Variants in TSPY1 observed in about 807,000 individuals in gnomAD.
The protein encoded by TSPY1 is testis specific protein Y-linked 1, also known as testis-specific Y-encoded protein 1.
At chrY:9,468,973 G>A (rs2016050358) in intron 5 of TSPY1, 127 bp downstream of exon 5, 1 of 335,103 alleles carries the variant, frequency 3.0e-6, no homozygotes, top group Admixed American at 9.0e-5. Context: ...CGTACATGTA[G>A]AAATTCCTTG....
At chrY:9,469,040 C>T in intron 5 of TSPY1, among the ~76,000 whole-genome samples, 194 bp downstream of exon 5, 1 of 29,599 alleles carries the variant, frequency 3.4e-5, no homozygotes, top group South Asian at 8.5e-4. Flanking sequence ...TGAAAAGGCA[C>T]GTTAGAGACT....
chrY:9,468,963 C>T (rs1192684077), intron 5 of TSPY1, 117 bp downstream of exon 5: 2 of 349,538 alleles, frequency 5.7e-6, no homozygotes, highest in Admixed American at 8.6e-5. Flanking sequence ...AGGCTCCTTT[C>T]GTACATGTAG....
At chrY:9,468,979 C>A in intron 5 of TSPY1, 133 bp downstream of exon 5, 1 of 330,937 alleles carries the variant, frequency 3.0e-6, no homozygotes, top group South Asian at 3.4e-5. Flanking sequence ...TGTAGAAATT[C>A]CTTGAGAGGA....
intron 5 of TSPY1, among the ~76,000 whole-genome samples, 163 bp downstream of exon 5, chrY:9,469,009 A>C: frequency 3.1e-5 from 1 of 31,964 alleles, no homozygotes; most frequent in Non-Finnish European, 7.6e-5. Context: ...GACAGAATCC[A>C]GGACGTTCAT....
At chrY:9,468,964 G>A in intron 5 of TSPY1, 118 bp downstream of exon 5, 2 of 348,669 alleles carry the variant, frequency 5.7e-6, no homozygotes, top group Non-Finnish European at 8.1e-6. Flanking sequence ...GGCTCCTTTC[G>A]TACATGTAGA....
chrY:9,468,983 G>T, intron 5 of TSPY1, 137 bp downstream of exon 5: 2 of 325,855 alleles, frequency 6.1e-6, no homozygotes, highest in Non-Finnish European at 8.8e-6. Flanking sequence ...GAAATTCCTT[G>T]AGAGGAAGAC....
chrY:9,468,908 C>T, intron 5 of TSPY1, 62 bp downstream of exon 5: 1 of 389,499 alleles, frequency 2.6e-6, no homozygotes, highest in Non-Finnish European at 3.6e-6. Context: ...GACACACCTG[C>T]CTATTCAGGG....
At chrY:9,469,009 A>T (rs2124353745) in intron 5 of TSPY1, among the ~76,000 whole-genome samples, 163 bp downstream of exon 5, 2 of 32,022 alleles carry the variant, frequency 6.2e-5, no homozygotes, top group South Asian at 7.3e-4. Flanking sequence ...GACAGAATCC[A>T]GGACGTTCAT....
intron 5 of TSPY1, 92 bp downstream of exon 5, chrY:9,468,938 G>A: frequency 2.7e-6 from 1 of 372,770 alleles, no homozygotes; most frequent in South Asian, 3.2e-5. Context: ...GCTCATTTCA[G>A]AAATGTAGAA....
chrY:9,469,047 G>A, intron 5 of TSPY1, among the ~76,000 whole-genome samples: 1 of 29,079 alleles, frequency 3.4e-5, no homozygotes, highest in Non-Finnish European at 8.3e-5. Flanking sequence ...GCACGTTAGA[G>A]ACTGCACTGC....
chrY:9,469,063 G>A (rs2016050444), intron 5 of TSPY1, among the ~76,000 whole-genome samples: 1 of 26,786 alleles, frequency 3.7e-5, no homozygotes, highest in African/African-American at 1.5e-4. Context: ...ACTGCAAAGC[G>A]GGTGATAGCT....
At chrY:9,469,028 G>T in intron 5 of TSPY1, among the ~76,000 whole-genome samples, 182 bp downstream of exon 5, 1 of 30,832 alleles carries the variant, frequency 3.2e-5, no homozygotes, top group African/African-American at 1.3e-4. Flanking sequence ...ATGGCATTGG[G>T]CTGAAAAGGC....
chrY:9,468,967 C>A (rs376507581), intron 5 of TSPY1, 121 bp downstream of exon 5: 2 of 225,824 alleles, frequency 8.9e-6, no homozygotes, highest in African/African-American at 2.4e-4. Context: ...TCCTTTCGTA[C>A]ATGTAGAAAT....
chrY:9,469,002 A>G, intron 5 of TSPY1, among the ~76,000 whole-genome samples, 156 bp downstream of exon 5: 1 of 32,406 alleles, frequency 3.1e-5, no homozygotes, highest in African/African-American at 1.2e-4. Context: ...ACAGAGTGAC[A>G]GAATCCAGGA....
chrY:9,468,969 T>C, intron 5 of TSPY1, 123 bp downstream of exon 5: 1 of 343,028 alleles, frequency 2.9e-6, no homozygotes, highest in Non-Finnish European at 4.1e-6. Context: ...CTTTCGTACA[T>C]GTAGAAATTC....
chrY:9,468,893 G>T, intron 5 of TSPY1, 47 bp downstream of exon 5: 1 of 392,425 alleles, frequency 2.5e-6, no homozygotes, highest in Non-Finnish European at 3.6e-6. Context: ...CAGTATAAGG[G>T]GGTTGACACA....
chrY:9,468,895 G>T, intron 5 of TSPY1, 49 bp downstream of exon 5: 1 of 392,271 alleles, frequency 2.5e-6, no homozygotes, highest in Non-Finnish European at 3.6e-6. Flanking sequence ...GTATAAGGGG[G>T]TTGACACACC....
At chrY:9,469,083 TAAGC>T (rs2016050477) in intron 5 of TSPY1, among the ~76,000 whole-genome samples, 2 of 22,901 alleles carry the variant, frequency 8.7e-5, no homozygotes, top group African/African-American at 3.4e-4. Flanking sequence ...TGTGGAGTCT[TAAGC>T]CCAGTGAAGA....
At chrY:9,469,003 G>A in intron 5 of TSPY1, among the ~76,000 whole-genome samples, 157 bp downstream of exon 5, 1 of 32,140 alleles carries the variant, frequency 3.1e-5, no homozygotes, top group Admixed American at 2.9e-4. Context: ...CAGAGTGACA[G>A]AATCCAGGAC....
Sources: gnomAD v4.1 joint callset for allele counts (sites outside exome capture counted in the v4.1 genomes callset) on GRCh38, gnomAD v4.1.1 for gene constraint, MANE v1.5 for transcripts, NCBI Gene and HGNC (gene_info 2026-07-23, HGNC 2026-07-21) for gene names.